The following WDR93 variants were observed in gnomAD, a reference collection of about 807,000 sequenced individuals.
WDR93 encodes WD repeat-containing protein 93.
Under a neutral mutation model 82.9 loss-of-function variants are expected in WDR93, and 73 were observed. The ratio of observed to expected loss-of-function variants is 0.88; its 90% CI spans 0.73 to 1.07. The LOEUF (loss-of-function observed/expected upper bound fraction) is 1.07, where lower values mean the gene tolerates loss of function less well. Among genes scored for constraint, WDR93 ranks in the 50% least tolerant of loss-of-function variants. WDR93 has a pLI of 0.00. For synonymous variants in WDR93, 283 were observed against 300.1 expected (o/e 0.94, Z 0.59); for missense variants, 738 against 826.0 (o/e 0.89, Z 1.31).
chr15:89,730,914 A>G (rs757927034), intron 11 of WDR93, among the ~76,000 whole-genome samples: 157 of 152,288 alleles, frequency 1.0e-3, no homozygotes, highest in Middle Eastern at 3.4e-3. Flanking sequence ...AAGCAGTCAC[A>G]TGAGCAAGTT....
chr15:89,704,112 G>A (rs1163058478), intron 3 of WDR93: 1 of 150,902 alleles, frequency 6.6e-6, no homozygotes, highest in African/African-American at 2.4e-5. Flanking sequence ...ATCACTTGAG[G>A]TCAGGAGTTT....
At chr15:89,735,139 T>C (rs1397084184) in intron 13 of WDR93, among the ~76,000 whole-genome samples, 3 of 152,156 alleles carry the variant, frequency 2.0e-5, no homozygotes, top group Admixed American at 2.0e-4. Flanking sequence ...CCCAAAGTGC[T>C]GGGATTACAG....
chr15:89,707,140 A>G (rs930284620), intron 4 of WDR93, among the ~76,000 whole-genome samples: 1 of 152,228 alleles, frequency 6.6e-6, no homozygotes, highest in Non-Finnish European at 1.5e-5. Context: ...AGGGGTCACC[A>G]AAGAAGATGT....
intron 9 of WDR93, among the ~76,000 whole-genome samples, chr15:89,728,675 C>T (rs1966830697): frequency 6.6e-6 from 1 of 152,144 alleles, no homozygotes; most frequent in Non-Finnish European, 1.5e-5. Flanking sequence ...GGCTGTATTG[C>T]CCCTGGGATA....
chr15:89,734,866 T>C (rs1368557761), intron 13 of WDR93, among the ~76,000 whole-genome samples: 1 of 152,098 alleles, frequency 6.6e-6, no homozygotes, highest in Non-Finnish European at 1.5e-5. Context: ...ATTAACCACA[T>C]TTGTATGACT....
intron 1 of WDR93, among the ~76,000 whole-genome samples, chr15:89,695,215 T>A (rs1965108426): frequency 6.6e-6 from 1 of 152,190 alleles, no homozygotes; most frequent in Non-Finnish European, 1.5e-5. Flanking sequence ...TACATGAATT[T>A]GAAAAGAATT....
chr15:89,690,502 C>T (rs1465810460), upstream of WDR93: 7 of 1,130,464 alleles, frequency 6.2e-6, no homozygotes, highest in African/African-American at 1.1e-4. Context: ...CCTCCTTTTT[C>T]CCGGGTGCAG....
At chr15:89,718,783 TTTTG>T (rs1966379831) in intron 7 of WDR93, among the ~76,000 whole-genome samples, 3 of 152,316 alleles carry the variant, frequency 2.0e-5, no homozygotes, top group African/African-American at 7.2e-5. Flanking sequence ...TGTTTGTTTG[TTTTG>T]TATTTTTAGT....
chr15:89,691,238 T>C (rs1189061103), intron 1 of WDR93, among the ~76,000 whole-genome samples: 3 of 152,218 alleles, frequency 2.0e-5, no homozygotes, highest in African/African-American at 7.2e-5. Flanking sequence ...AATGTTCTGC[T>C]TGGATTATTG....
At chr15:89,694,950 G>A (rs1025635799) in intron 1 of WDR93, among the ~76,000 whole-genome samples, 17 of 151,972 alleles carry the variant, frequency 1.1e-4, no homozygotes, top group Admixed American at 2.0e-4. Context: ...TTTTTCCACC[G>A]AATTGTCTTT....
rs547160220 is a variant in WDR93 at position 89,740,085 on chromosome 15, C to A, written c.1961+1849C>A. On this transcript the variant is annotated intron_variant, in intron 16 of 16. Transcript: ENST00000268130. ...CTGTGTTCTGACCATTTTAATGATG[C>A]CTGATTTTTTTTGGCTTAAGGTATT... 2.3e-4 allele frequency among the ~76,000 whole-genome samples: 35 copies of A among 152,264 alleles called. 2 individuals carry two copies. The South Asian group carries it at 6.8e-3, about 30-fold the overall frequency.
At chr15:89,721,089 C>G in intron 7 of WDR93, 1 of 152,136 alleles carries the variant, frequency 6.6e-6, no homozygotes, top group East Asian at 1.9e-4. Context: ...TGATAATATT[C>G]TCTGTTCAGA....
Position 89,702,700 on chromosome 15 carries a change from G to A in WDR93, c.304-250G>A, listed in dbSNP as rs535811028. 1.7e-4 allele frequency among the ~76,000 whole-genome samples: 26 copies of A among 152,038 alleles called. No individual in the cohort carries two copies. In the South Asian group the frequency reaches 2.9e-3, roughly 17 times the overall value. ...ATTACAGGGATATGCCACCATGCCCGGATAATTTTTATATTTTTAGTAGAG... is the reference window on the plus strand; with the variant it reads ...ATTACAGGGATATGCCACCATGCCCAGATAATTTTTATATTTTTAGTAGAG... On this transcript the variant is annotated intron_variant, in intron 2 of 16. Coordinates refer to ENST00000268130, the MANE Select transcript of WDR93 (RefSeq NM_020212.2).
chr15:89,690,548 G>C (rs1421991524), upstream of WDR93: 6 of 1,537,844 alleles, frequency 3.9e-6, no homozygotes, highest in African/African-American at 6.9e-5. Context: ...GGGCGAGAAA[G>C]GGGCGGAGGC....
At chr15:89,702,809 G>C in intron 2 of WDR93, 141 bp from the exon 3 acceptor site, 1 of 940,790 alleles carries the variant, frequency 1.1e-6, no homozygotes, top group Non-Finnish European at 1.5e-6. Context: ...AAAGTGCTGG[G>C]ATTACAGGCG....
intron 6 of WDR93, among the ~76,000 whole-genome samples, chr15:89,716,023 CATTGT>C (rs1312542192): frequency 6.6e-6 from 1 of 152,172 alleles, no homozygotes; most frequent in Non-Finnish European, 1.5e-5. Flanking sequence ...CTTTAAAATA[CATTGT>C]ATTAGGTGCT....
chr15:89,738,099 C>T lies in WDR93; in HGVS notation c.1824C>T (p.Phe608=). 1 of 1,613,992 alleles carries T rather than the reference C, an allele frequency of 6.2e-7. No homozygotes were observed. Among genetic ancestry groups the T allele is most frequent in the East Asian group, 2.2e-5 (1 of 44,892 alleles). ...TDDAGIQYSV[F]YFNFEACPLL... Reference sequence around the variant, plus strand: ...ATGCTGGAATCCAATATTCTGTTTTCTATTTTAATTTTGAGGCCTGCCCAC... The same window carrying T: ...ATGCTGGAATCCAATATTCTGTTTTTTATTTTAATTTTGAGGCCTGCCCAC... Residue 608 remains phenylalanine (F), a synonymous_variant, in exon 16 of 17, where the codon TTC becomes TTT. Coordinates refer to ENST00000268130, the MANE Select transcript of WDR93 (RefSeq NM_020212.2).
intron 4 of WDR93, among the ~76,000 whole-genome samples, chr15:89,711,525 CA>C (rs541710221): frequency 0.2 from 26,682 of 132,072 alleles, 2,490 homozygotes; most frequent in Middle Eastern, 0.28. Context: ...TAGCGAGTCT[CA>C]AAAAAAAAAA....
chr15:89,710,489 C>G (rs1035972890), intron 4 of WDR93, among the ~76,000 whole-genome samples: 1 of 152,118 alleles, frequency 6.6e-6, no homozygotes, highest in Non-Finnish European at 1.5e-5. Flanking sequence ...ACGTCCTATA[C>G]CTTGACAGGG....
Sources: gnomAD v4.1 joint callset for allele counts (sites outside exome capture counted in the v4.1 genomes callset) on GRCh38, gnomAD v4.1.1 for gene constraint, MANE v1.5 for transcripts, NCBI Gene and HGNC (gene_info 2026-07-23, HGNC 2026-07-21) for gene names.